The following IGF2R variants were observed in gnomAD, a reference collection of about 807,000 sequenced individuals.
IGF2R encodes the protein insulin like growth factor 2 receptor, also known as cation-independent mannose-6-phosphate receptor.
In IGF2R, 91 loss-of-function variants were observed where a neutral mutation model predicts 270.6. The observed-to-expected ratio is 0.34, with a 90% CI of 0.28 to 0.40. The LOEUF (loss-of-function observed/expected upper bound fraction) is 0.40. Among genes scored for constraint, IGF2R ranks in the 10% least tolerant of loss-of-function variants. The pLI is 1.00. For missense variants in IGF2R, 2,805 were observed against 3,188.3 expected (o/e 0.88, Z 2.90); for synonymous variants, 1,316 against 1,258.9 (o/e 1.05, Z -0.96).
At chr6:160,039,826 G>A (rs137938385) in intron 10 of IGF2R, among the ~76,000 whole-genome samples, 9 of 152,242 alleles carry the variant, frequency 5.9e-5, no homozygotes, top group African/African-American at 2.2e-4. Context: ...GGATGGGGAC[G>A]TGGCCTGTGA....
At position 160,105,296 on chromosome 6, in the gene IGF2R, C is replaced by T. The variant is rs1242453853; in HGVS notation, c.*212C>T. On this transcript the variant is annotated 3_prime_UTR_variant, in exon 48 of 48. Transcript: ENST00000356956. The stretch of plus-strand genomic sequence containing the variant: ...CATTGGAATAAGGCATGGCTCAGAT[C>T]GGCCACAGGGCGGTACCTTGTGCCC... The T allele has an allele frequency of 2.0e-5, 11 of 542,176 alleles. No homozygotes were observed. Among genetic ancestry groups the T allele is most frequent in the South Asian group, 1.5e-4 (6 of 38,842 alleles). 33.6% of individuals were successfully genotyped at this position (542,176 alleles called of 1,614,324 possible). A position where few individuals can be genotyped will look rare whatever the true frequency, so the allele number is the denominator to read the frequency against.
intron 44 of IGF2R, chr6:160,090,363 T>G (rs1049079123): frequency 1.1e-5 from 3 of 261,642 alleles, no homozygotes; most frequent in African/African-American, 6.6e-5. Context: ...GATCCAGTGG[T>G]TCTGAGGTTG....
At chr6:159,982,163 T>G (rs1256102821) in intron 1 of IGF2R, among the ~76,000 whole-genome samples, 1 of 152,216 alleles carries the variant, frequency 6.6e-6, no homozygotes, top group Non-Finnish European at 1.5e-5. Context: ...AGTGGTTACC[T>G]TAGGCTCTTG....
chr6:160,001,298 G>T (rs1035484395), intron 2 of IGF2R, among the ~76,000 whole-genome samples: 2 of 152,032 alleles, frequency 1.3e-5, no homozygotes, highest in Non-Finnish European at 1.5e-5. Flanking sequence ...AGGGATCTAG[G>T]TTGTGACCCC....
intron 45 of IGF2R, among the ~76,000 whole-genome samples, chr6:160,099,440 C>CA (rs1322648205): frequency 1.3e-5 from 2 of 152,138 alleles, no homozygotes; most frequent in Admixed American, 6.5e-5. Context: ...GATCTCGGCT[C>CA]ACTGCAAGCT....
At position 160,109,399 on chromosome 6, in the gene IGF2R, T is replaced by C. The variant is rs1283269496; in HGVS notation, c.*4315T>C. 2.6e-5 allele frequency: 4 copies of C among 152,242 alleles called. No homozygotes were observed. Among genetic ancestry groups the C allele is most frequent in the African/African-American group, 9.6e-5 (4 of 41,458 alleles). 9.4% of individuals were successfully genotyped at this position (152,242 alleles called of 1,614,324 possible). A position where few individuals can be genotyped will look rare whatever the true frequency, so the allele number is the denominator to read the frequency against. Reference sequence around the variant, plus strand: ...TCACCCTTGGCTTCAGGGTTTTATTTTTCTTTCTTTTAAAACATTTTGAGA... The same window carrying C: ...TCACCCTTGGCTTCAGGGTTTTATTCTTCTTTCTTTTAAAACATTTTGAGA... On this transcript the variant is annotated 3_prime_UTR_variant, in exon 48 of 48. Coordinates refer to ENST00000356956, the MANE Select transcript of IGF2R (RefSeq NM_000876.4).
intron 1 of IGF2R, among the ~76,000 whole-genome samples, chr6:159,983,588 G>A (rs1463511778): frequency 6.6e-6 from 1 of 152,206 alleles, no homozygotes; most frequent in Non-Finnish European, 1.5e-5. Context: ...GTATGTTTCT[G>A]CCACAGACTT....
intron 35 of IGF2R, among the ~76,000 whole-genome samples, chr6:160,074,375 G>A (rs1778813094): frequency 6.6e-6 from 1 of 152,230 alleles, no homozygotes; most frequent in Non-Finnish European, 1.5e-5. Flanking sequence ...CTTTGGCAAG[G>A]AGTTATAATT....
At chr6:160,079,849 G>A (rs972679294) in intron 38 of IGF2R, 62 bp downstream of exon 38, 1 of 1,389,906 alleles carries the variant, frequency 7.2e-7, no homozygotes. Context: ...ATTAGACATA[G>A]CAGCAGAAAG....
intron 17 of IGF2R, 49 bp downstream of exon 17, chr6:160,047,956 G>T (rs779866319): frequency 1.9e-5 from 22 of 1,160,680 alleles, no homozygotes; most frequent in Non-Finnish European, 2.7e-5. Flanking sequence ...AGATGCTGAG[G>T]TTGCAAGTGT....
chr6:160,025,164 A>G (rs1384667189), intron 5 of IGF2R, among the ~76,000 whole-genome samples: 1 of 152,240 alleles, frequency 6.6e-6, no homozygotes, highest in East Asian at 1.9e-4. Context: ...GAGAAGCTTT[A>G]GCTTAAGCTT....
chr6:160,017,927 A>T (rs549021465), intron 4 of IGF2R, among the ~76,000 whole-genome samples: 3 of 152,208 alleles, frequency 2.0e-5, no homozygotes, highest in African/African-American at 7.2e-5. Context: ...AAACACTCTT[A>T]TAAAACAATT....
At chr6:160,080,637 G>A (rs903948772) in intron 39 of IGF2R, among the ~76,000 whole-genome samples, 8 of 152,092 alleles carry the variant, frequency 5.3e-5, no homozygotes, top group African/African-American at 1.9e-4. Flanking sequence ...AAGCTAGTGA[G>A]GATTCCGGTA....
intron 41 of IGF2R, among the ~76,000 whole-genome samples, chr6:160,087,084 T>C (rs1215385182): frequency 2.6e-5 from 4 of 152,266 alleles, no homozygotes; most frequent in East Asian, 1.9e-4. Flanking sequence ...GCTTAAAGCA[T>C]GTACTCACTT....
intron 45 of IGF2R, among the ~76,000 whole-genome samples, chr6:160,099,702 T>C (rs1466074165): frequency 6.6e-6 from 1 of 152,142 alleles, no homozygotes; most frequent in African/African-American, 2.4e-5. Flanking sequence ...TTGAAGGAAA[T>C]GATGTCATTC....
rs138574174 is a variant in IGF2R at position 159,991,298 on chromosome 6, G to A, written c.264G>A (p.Leu88=). The A allele has an allele frequency of 3.1e-6, 5 of 1,613,454 alleles. No homozygotes were observed. In the African/African-American group the frequency reaches 6.7e-5, roughly 22 times the overall value. Residue 88 remains leucine, a synonymous_variant, in exon 2 of 48, where the codon TTG becomes TTA. Coordinates refer to ENST00000356956, the MANE Select transcript of IGF2R (RefSeq NM_000876.4). ...CAAGTGCTGTTTGTATGCACGACTTGAAGACACGCACTTATCATTCAGTGG... is the reference window on the plus strand; with the variant it reads ...CAAGTGCTGTTTGTATGCACGACTTAAAGACACGCACTTATCATTCAGTGG... The part of the protein sequence containing the change: ...GPSSAVCMHD[L]KTRTYHSVGD...
chr6:160,018,476 A>T (rs1777354957), intron 4 of IGF2R, among the ~76,000 whole-genome samples: 1 of 152,176 alleles, frequency 6.6e-6, no homozygotes, highest in South Asian at 2.1e-4. Context: ...CGTAGACCTA[A>T]CAGATATTTA....
Position 160,107,214 on chromosome 6 carries a change from C to G in IGF2R, c.*2130C>G, listed in dbSNP as rs1319150040. On this transcript the variant is annotated 3_prime_UTR_variant, in exon 48 of 48. Transcript: ENST00000356956. ...AGAAAGATGCTGGTCCTCAGGCATTCTACCCAGGGGGCTGTTCTCCAGGCC... is the reference window on the plus strand; with the variant it reads ...AGAAAGATGCTGGTCCTCAGGCATTGTACCCAGGGGGCTGTTCTCCAGGCC... The G allele has an allele frequency of 6.6e-6, 1 of 152,260 alleles. No individual in the cohort carries two copies. Among genetic ancestry groups the G allele is most frequent in the East Asian group, 1.9e-4 (1 of 5,200 alleles). 9.4% of individuals were successfully genotyped at this position (152,260 alleles called of 1,614,324 possible). A position where few individuals can be genotyped will look rare whatever the true frequency, so the allele number is the denominator to read the frequency against.
chr6:160,107,140 C>T lies in IGF2R; in HGVS notation c.*2056C>T, dbSNP rs993277481. On this transcript the variant is annotated 3_prime_UTR_variant, in exon 48 of 48. Coordinates refer to ENST00000356956, the MANE Select transcript of IGF2R (RefSeq NM_000876.4). Reference sequence around the variant, plus strand: ...TATTCTTAAGGACTTTCCAATACCTCTCCTGAGGAAGACATGTCAGGTCTT... The same window carrying T: ...TATTCTTAAGGACTTTCCAATACCTTTCCTGAGGAAGACATGTCAGGTCTT... The T allele has an allele frequency of 3.3e-5, 5 of 152,350 alleles. No homozygotes were observed. The highest frequency in any genetic ancestry group is 5.9e-5 in the Non-Finnish European group (4 of 68,038). 9.4% of individuals were successfully genotyped at this position (152,350 alleles called of 1,614,324 possible).
Sources: gnomAD v4.1 joint callset for allele counts (sites outside exome capture counted in the v4.1 genomes callset) on GRCh38, gnomAD v4.1.1 for gene constraint, MANE v1.5 for transcripts, NCBI Gene and HGNC (gene_info 2026-07-23, HGNC 2026-07-21) for gene names.